The following FAM193A variants were observed in gnomAD, a reference collection of about 807,000 sequenced individuals.
FAM193A encodes the protein family with sequence similarity 193 member A, also known as protein FAM193A.
FAM193A carries 22 observed loss-of-function variants against 126.5 expected under a neutral mutation model. The observed-to-expected ratio is 0.17, with a 90% CI of 0.12 to 0.25. The LOEUF is 0.25. FAM193A is among the 10% of genes least tolerant of loss of function. The pLI, the probability that FAM193A is intolerant of heterozygous loss-of-function variation, is 1.00. For missense variants in FAM193A, 1,675 were observed against 1,672.8 expected (o/e 1.00, Z -0.02); for synonymous variants, 761 against 646.8 (o/e 1.18, Z -2.68).
At chr4:2,633,389 ACT>A (rs1743793540) in intron 5 of FAM193A, among the ~76,000 whole-genome samples, 1 of 151,990 alleles carries the variant, frequency 6.6e-6, no homozygotes, top group Non-Finnish European at 1.5e-5. Context: ...ACAGAGCGAG[ACT>A]CTGTCTCACA....
At chr4:2,542,330 G>A (rs1457989568) in intron 1 of FAM193A, among the ~76,000 whole-genome samples, 1 of 151,914 alleles carries the variant, frequency 6.6e-6, no homozygotes, top group Non-Finnish European at 1.5e-5. Flanking sequence ...AGTAGAGACG[G>A]GGTTTCACCT....
At chr4:2,562,873 T>C (rs1445087734) in intron 1 of FAM193A, among the ~76,000 whole-genome samples, 1 of 150,344 alleles carries the variant, frequency 6.7e-6, no homozygotes, top group East Asian at 2.0e-4. Flanking sequence ...CATGATCTGC[T>C]CGCCTTGGCC....
chr4:2,597,632 C>T (rs181895857), intron 2 of FAM193A, among the ~76,000 whole-genome samples: 12 of 152,204 alleles, frequency 7.9e-5, no homozygotes, highest in African/African-American at 2.4e-4. Flanking sequence ...TCTCTCCTCA[C>T]CAGAAACAGT....
intron 12 of FAM193A, 108 bp from the exon 13 acceptor site, chr4:2,672,013 C>T (rs1486411075): frequency 8.0e-7 from 1 of 1,247,802 alleles, no homozygotes; most frequent in African/African-American, 1.5e-5. Flanking sequence ...AGGAAAAGCC[C>T]ACTTACCTTT....
At chr4:2,640,508 G>A (rs769883966) in intron 6 of FAM193A, among the ~76,000 whole-genome samples, 4 of 152,192 alleles carry the variant, frequency 2.6e-5, no homozygotes, top group South Asian at 2.1e-4. Context: ...CTGATGTGAC[G>A]TTACTCAGCA....
intron 12 of FAM193A, among the ~76,000 whole-genome samples, chr4:2,664,537 T>TTC (rs1177926694): frequency 1.7e-4 from 25 of 150,792 alleles, no homozygotes; most frequent in African/African-American, 5.8e-4. Flanking sequence ...TGGTACACCT[T>TTC]TCTCTCTCTC....
chr4:2,637,472 G>A (rs1744198921), intron 5 of FAM193A, among the ~76,000 whole-genome samples: 1 of 152,170 alleles, frequency 6.6e-6, no homozygotes, highest in South Asian at 2.1e-4. Context: ...CATCGACAAA[G>A]ACAGAAAGAT....
chr4:2,699,447 CACACA>C (rs141693408), intron 18 of FAM193A, among the ~76,000 whole-genome samples: 628 of 57,106 alleles, frequency 0.011, 36 homozygotes, highest in African/African-American at 0.041. Flanking sequence ...CCCCCCCCCC[CACACA>C]CACACACACA....
chr4:2,574,526 C>T (rs1739477641), intron 1 of FAM193A, among the ~76,000 whole-genome samples: 1 of 152,158 alleles, frequency 6.6e-6, no homozygotes, highest in Non-Finnish European at 1.5e-5. Flanking sequence ...AATCCAACTT[C>T]TGGGAGTCGT....
rs1169839258 is a variant in FAM193A, at chr4:2,716,059, G to C, written c.4409G>C (p.Ser1470Thr). 2.5e-6 allele frequency: 4 copies of C among 1,608,062 alleles called. No homozygotes were observed. Among genetic ancestry groups the C allele is most frequent in the Admixed American group, 3.3e-5 (2 of 59,988 alleles). ...CTACCTAAAGATATTGACCTAGACA[G>C]TGTGGATATGGATGAGACAGAGAGG... ...VFLPKDIDLD[S>T]VDMDETEREV... Residue 1470 changes from serine (S) to threonine (T), a missense_variant, in exon 20 of 21, where the codon AGT becomes ACT. Physicochemically the swap from Ser to Thr is moderately conservative, Grantham distance 58. This residue lies in a region of FAM193A where 415 missense variants were observed against 396.7 expected (regional missense o/e 1.05). Transcript: ENST00000637812.
intron 10 of FAM193A, among the ~76,000 whole-genome samples, chr4:2,662,139 T>A (rs2051459542): frequency 6.6e-6 from 1 of 152,092 alleles, no homozygotes; most frequent in Admixed American, 6.6e-5. Flanking sequence ...GCCGAGATTG[T>A]GCCACTGTAC....
intron 19 of FAM193A, among the ~76,000 whole-genome samples, chr4:2,704,528 G>A (rs1718091378): frequency 6.6e-6 from 1 of 151,340 alleles, no homozygotes; most frequent in Admixed American, 6.6e-5. Flanking sequence ...TCACGCCACT[G>A]CATTCCAGTC....
At chr4:2,552,194 G>T (rs1737967261) in intron 1 of FAM193A, among the ~76,000 whole-genome samples, 1 of 151,762 alleles carries the variant, frequency 6.6e-6, no homozygotes, top group African/African-American at 2.4e-5. Context: ...TGTATTTTTA[G>T]TAGAGACGGG....
Position 2,662,981 on chromosome 4 carries a change from T to C in FAM193A, c.1889T>C (p.Leu630Pro). The C allele has an allele frequency of 1.2e-6, 2 of 1,612,816 alleles. No individual in the cohort carries two copies. Among genetic ancestry groups the C allele is most frequent in the Non-Finnish European group, 1.7e-6 (2 of 1,178,854 alleles). The change falls in exon 11 of 21, where the codon CTG (leucine) becomes CCG (proline). Residue 630 changes from leucine to proline, a missense_variant. Coordinates refer to ENST00000637812, the MANE Select transcript of FAM193A (RefSeq NM_001366318.2). ...AATGGTGGCGGGGAAAACATGGCCC[T>C]GAAGGATGAGGTATGGACATGGCTT... Reference protein sequence around the residue: ...ELNGGGENMALKDESPQISST... With the variant: ...ELNGGGENMAPKDESPQISST...
At chr4:2,548,510 G>A (rs1229726384) in intron 1 of FAM193A, among the ~76,000 whole-genome samples, 2 of 152,098 alleles carry the variant, frequency 1.3e-5, no homozygotes, top group Non-Finnish European at 2.9e-5. Flanking sequence ...AGGCTGGAGT[G>A]TGGTGGCATG....
intron 1 of FAM193A, among the ~76,000 whole-genome samples, chr4:2,537,925 C>G (rs1219847848): frequency 1.3e-5 from 2 of 152,158 alleles, no homozygotes; most frequent in African/African-American, 4.8e-5. Flanking sequence ...AGCTAGCACA[C>G]ATTGCACCTA....
At position 2,729,602 on chromosome 4, in the gene FAM193A, C is replaced by T. The variant is rs116777444; in HGVS notation, c.4455-2173C>T. Among the ~76,000 whole-genome samples, 344 of 152,298 alleles carry T rather than the reference C, an allele frequency of 2.3e-3. 1 individual carries two copies. The highest frequency in any genetic ancestry group is 7.9e-3 in the African/African-American group (329 of 41,562). ...ATGGCCTTTGGTCAGATTCTTTCGT[C>T]TGAGGAGGCAATAATTGAGGCTGCT... On this transcript the variant is annotated intron_variant, in intron 20 of 20. Transcript: ENST00000637812.
chr4:2,664,027 C>T (rs1712800761), intron 12 of FAM193A, among the ~76,000 whole-genome samples: 1 of 152,104 alleles, frequency 6.6e-6, no homozygotes, highest in South Asian at 2.1e-4. Context: ...AAATGAAGGT[C>T]AAAGTGCTTG....
intron 1 of FAM193A, among the ~76,000 whole-genome samples, chr4:2,558,561 TG>T (rs915012623): frequency 1.3e-5 from 2 of 152,062 alleles, no homozygotes; most frequent in African/African-American, 2.4e-5. Flanking sequence ...AAAATTTTTC[TG>T]GGGGGGATGA....
Sources: gnomAD v4.1 joint callset for allele counts (sites outside exome capture counted in the v4.1 genomes callset) on GRCh38, gnomAD v4.1.1 for gene constraint, gnomAD v4.1.1 regional missense constraint, MANE v1.5 for transcripts, NCBI Gene and HGNC (gene_info 2026-07-23, HGNC 2026-07-21) for gene names.